PPP3CB: variants seen among roughly 807,000 people sequenced by gnomAD.
PPP3CB encodes protein phosphatase 3 catalytic subunit beta.
In PPP3CB, 8 loss-of-function variants were observed where a neutral mutation model predicts 66.4. That is an observed-to-expected ratio of 0.12 (90% confidence interval 0.07 to 0.22). The LOEUF is 0.22. PPP3CB is among the 10% of genes least tolerant of loss of function. PPP3CB has a pLI of 1.00. For missense variants in PPP3CB, 319 were observed against 642.5 expected (o/e 0.50, Z 5.44); for synonymous variants, 208 against 221.2 (o/e 0.94, Z 0.53).
intron 3 of PPP3CB, among the ~76,000 whole-genome samples, chr10:73,476,409 G>A (rs925428010): frequency 1.4e-4 from 22 of 152,128 alleles, no homozygotes; most frequent in Non-Finnish European, 2.6e-4. Flanking sequence ...CTGAGGCCAG[G>A]AGTTCGAGAT....
At position 73,438,305 on chromosome 10, in the gene PPP3CB, G is replaced by A. The variant is rs2056098087; in HGVS notation, c.1512C>T (p.Phe504=). The A allele has an allele frequency of 1.2e-6, 2 of 1,614,138 alleles. No homozygotes were observed. The highest frequency in any genetic ancestry group is 2.2e-5 in the East Asian group (1 of 44,878). The change falls in exon 14 of 14, where the codon TTC becomes TTT. Residue 504 remains phenylalanine (F), a synonymous_variant. Coordinates refer to ENST00000360663, the MANE Select transcript of PPP3CB (RefSeq NM_021132.4). ...TGGCATGTGCGGTGTTCAGAGAATT[G>A]AAACCATCTTGCTGTACAGCATCTT... ...PRKDAVQQDG[F]NSLNTAHATE...
intron 10 of PPP3CB, 62 bp downstream of exon 10, chr10:73,454,350 C>T: frequency 7.6e-7 from 1 of 1,310,924 alleles, no homozygotes; most frequent in Admixed American, 1.8e-5. Context: ...TGTACTGAGG[C>T]TAGGCAGTAA....
chr10:73,443,647 T>C (rs771956366), intron 12 of PPP3CB: 1 of 152,198 alleles, frequency 6.6e-6, no homozygotes, highest in African/African-American at 2.4e-5. Flanking sequence ...TGAATTACTG[T>C]GTATGGTCAC....
chr10:73,468,700 A>C (rs1384209032), intron 8 of PPP3CB, among the ~76,000 whole-genome samples: 1 of 152,208 alleles, frequency 6.6e-6, no homozygotes, highest in Admixed American at 6.5e-5. Context: ...CTAATAGAGA[A>C]TCAAAAGTAA....
At chr10:73,449,762 A>G (rs1486219827) in intron 10 of PPP3CB, among the ~76,000 whole-genome samples, 2 of 152,086 alleles carry the variant, frequency 1.3e-5, no homozygotes, top group African/African-American at 4.8e-5. Flanking sequence ...CCAAAGATTT[A>G]CCACTTAACA....
chr10:73,472,560 T>G (rs536022419), intron 4 of PPP3CB, among the ~76,000 whole-genome samples: 43 of 151,086 alleles, frequency 2.8e-4, no homozygotes, highest in Middle Eastern at 3.2e-3. Flanking sequence ...ATCGGCCAAA[T>G]AAGGCAAAAT....
chr10:73,463,042 G>A (rs936564076), intron 9 of PPP3CB, among the ~76,000 whole-genome samples: 1 of 150,366 alleles, frequency 6.7e-6, no homozygotes, highest in East Asian at 2.0e-4. Context: ...GCAGTAACCT[G>A]AGTAAAGGGT....
At chr10:73,446,449 CG>C (rs778382271) in intron 11 of PPP3CB, 42 bp downstream of exon 11, 1 of 1,562,734 alleles carries the variant, frequency 6.4e-7, no homozygotes, top group South Asian at 1.1e-5. Flanking sequence ...GTACAATAAA[CG>C]TAATTTCTGC....
chr10:73,489,182 T>C (rs940422097), intron 1 of PPP3CB, among the ~76,000 whole-genome samples: 3 of 152,186 alleles, frequency 2.0e-5, no homozygotes, highest in East Asian at 1.9e-4. Flanking sequence ...TTCACTTCCA[T>C]ACTCAATCAC....
chr10:73,437,641 A>C lies in PPP3CB; in HGVS notation c.*601T>G, dbSNP rs1441601524. 6.6e-6 allele frequency: 1 copy of C among 152,646 alleles called. No homozygotes were observed. The allele number at this position is 152,646 out of a possible 1,614,324, so 9.5% of individuals were successfully genotyped here. On this transcript the variant is annotated 3_prime_UTR_variant, in exon 14 of 14. Transcript: ENST00000360663. The stretch of plus-strand genomic sequence containing the variant: ...TGTTCAAGTAAGAGAGCCTGCCTGG[A>C]AATAGGATATGCATTCATAATTAAA...
At chr10:73,461,512 C>G (rs1204838486) in intron 9 of PPP3CB, among the ~76,000 whole-genome samples, 1 of 152,040 alleles carries the variant, frequency 6.6e-6, no homozygotes, top group Non-Finnish European at 1.5e-5. Flanking sequence ...GTGTCTGAAC[C>G]CCTTTTCTTT....
At chr10:73,488,842 T>C (rs1424497862) in intron 1 of PPP3CB, among the ~76,000 whole-genome samples, 2 of 152,198 alleles carry the variant, frequency 1.3e-5, no homozygotes, top group South Asian at 2.1e-4. Context: ...CTAAGTCCTA[T>C]TGATTCTTCA....
chr10:73,492,826 T>C (rs909453273), intron 1 of PPP3CB, among the ~76,000 whole-genome samples: 8 of 152,150 alleles, frequency 5.3e-5, no homozygotes, highest in African/African-American at 1.9e-4. Context: ...ATGAATCACC[T>C]ACAGTATTCC....
intron 11 of PPP3CB, among the ~76,000 whole-genome samples, chr10:73,445,283 T>C (rs1564548110): frequency 6.6e-6 from 1 of 152,132 alleles, no homozygotes; most frequent in African/African-American, 2.4e-5. Flanking sequence ...AAGAATACTC[T>C]AAAAAGTATC....
chr10:73,492,301 A>C (rs1564572783), intron 1 of PPP3CB, among the ~76,000 whole-genome samples: 1 of 152,212 alleles, frequency 6.6e-6, no homozygotes, highest in Non-Finnish European at 1.5e-5. Flanking sequence ...TAAAAAGGTG[A>C]ATTTTTTATT....
At chr10:73,485,000 C>A (rs1382776583) in intron 1 of PPP3CB, among the ~76,000 whole-genome samples, 4 of 151,932 alleles carry the variant, frequency 2.6e-5, no homozygotes, top group Admixed American at 2.6e-4. Flanking sequence ...TTGCAGTGAG[C>A]CGAGATCACA....
In PPP3CB at chr10:73,437,333, T is replaced by C. The variant is rs2056085232; in HGVS notation, c.*909A>G. ...ACTCACAATAAACTAAAATTTCTCA[T>C]AACATCTAGGTAACCTATACATGTC... On this transcript the variant is annotated 3_prime_UTR_variant, in exon 14 of 14. Coordinates refer to ENST00000360663, the MANE Select transcript of PPP3CB (RefSeq NM_021132.4). The C allele has an allele frequency of 6.6e-6, 1 of 152,644 alleles. No homozygotes were observed. The highest frequency in any genetic ancestry group is 1.5e-5 in the Non-Finnish European group (1 of 68,028). 9.5% of individuals were successfully genotyped at this position (152,644 alleles called of 1,614,324 possible).
intron 10 of PPP3CB, among the ~76,000 whole-genome samples, chr10:73,447,916 C>A (rs975254632): frequency 8.7e-5 from 13 of 149,604 alleles, no homozygotes; most frequent in South Asian, 2.1e-4. Context: ...CACAAAAAAA[C>A]CCCCAAAAAC....
At chr10:73,467,817 G>T in intron 8 of PPP3CB, 139 bp from the exon 9 acceptor site, 1 of 709,106 alleles carries the variant, frequency 1.4e-6, no homozygotes, top group South Asian at 2.2e-5. Flanking sequence ...GGCTGGTAGA[G>T]GGAGGAAGGA....
Sources: gnomAD v4.1 joint callset for allele counts (sites outside exome capture counted in the v4.1 genomes callset) on GRCh38, gnomAD v4.1.1 for gene constraint, MANE v1.5 for transcripts, NCBI Gene and HGNC (gene_info 2026-07-23, HGNC 2026-07-21) for gene names.